Variants in SGMS1 observed in about 807,000 individuals in gnomAD.
SGMS1 encodes phosphatidylcholine:ceramide cholinephosphotransferase 1.
SGMS1 carries 13 observed loss-of-function variants against 46.2 expected under a neutral mutation model. The observed-to-expected ratio is 0.28, with a 90% CI of 0.18 to 0.45. The LOEUF (loss-of-function observed/expected upper bound fraction) is 0.45. Ranked by LOEUF, SGMS1 falls within the 20% of genes least tolerant of loss-of-function variation. The pLI is 1.00. For missense variants in SGMS1, 324 were observed against 519.9 expected, an observed-to-expected ratio of 0.62 and a Z score of 3.66; for synonymous variants, 203 against 187.8, an observed-to-expected ratio of 1.08 and a Z score of -0.66.
rs186418207 is a variant in SGMS1, at chr10:50,426,705, A to G, written c.-232+6771T>C. 4.2e-3 allele frequency among the ~76,000 whole-genome samples: 647 copies of G among 152,338 alleles called. 4 individuals carry two copies. Among genetic ancestry groups the G allele is most frequent in the African/African-American group, 0.015 (603 of 41,580 alleles). On this transcript the variant is annotated intron_variant, in intron 6 of 10. Transcript: ENST00000361781. ...AGAAAACACCAGAATTCAATCAGGA[A>G]GAAAGGGGAACAGCTAAGTCATACA...
intron 2 of SGMS1, among the ~76,000 whole-genome samples, chr10:50,534,699 A>G (rs186346880): frequency 3.0e-4 from 45 of 152,378 alleles, no homozygotes; most frequent in Admixed American, 1.8e-3. Context: ...TAAAAATTAT[A>G]TTCATGCAGA....
chr10:50,434,739 G>T (rs1849452622), intron 5 of SGMS1, among the ~76,000 whole-genome samples: 1 of 132,538 alleles, frequency 7.5e-6, no homozygotes. Context: ...AAAAAAATTA[G>T]CCAGGCGTGG....
At chr10:50,404,739 C>A (rs1009712664) in intron 6 of SGMS1, among the ~76,000 whole-genome samples, 4 of 152,190 alleles carry the variant, frequency 2.6e-5, no homozygotes, top group East Asian at 1.9e-4. Flanking sequence ...GATATTTATA[C>A]GAAAATATTT....
At chr10:50,439,859 A>G (rs1849519198) in intron 5 of SGMS1, among the ~76,000 whole-genome samples, 1 of 152,094 alleles carries the variant, frequency 6.6e-6, no homozygotes, top group South Asian at 2.1e-4. Flanking sequence ...AAGGATGTCT[A>G]CTCCACTGCT....
At position 50,329,700 on chromosome 10, in the gene SGMS1, A is replaced by G. The variant is rs1473478373; in HGVS notation, c.624-2378T>C. 3.3e-5 allele frequency among the ~76,000 whole-genome samples: 5 copies of G among 152,354 alleles called. No homozygotes were observed. In the East Asian group the frequency reaches 9.6e-4, roughly 29 times the overall value. On this transcript the variant is annotated intron_variant, in intron 7 of 10. Coordinates refer to ENST00000361781, the MANE Select transcript of SGMS1 (RefSeq NM_147156.4). ...AACTCACAAAAGAAATGTTAATGAG[A>G]TATTGCTAGAAATTAAGCAGATGCC...
At chr10:50,374,589 T>A (rs1189083777) in intron 6 of SGMS1, among the ~76,000 whole-genome samples, 1 of 152,176 alleles carries the variant, frequency 6.6e-6, no homozygotes, top group East Asian at 1.9e-4. Flanking sequence ...TTGTGCTGGA[T>A]CTCACTCCAA....
intron 6 of SGMS1, among the ~76,000 whole-genome samples, chr10:50,384,917 A>G (rs1057488612): frequency 3.3e-5 from 5 of 152,178 alleles, no homozygotes; most frequent in Admixed American, 3.3e-4. Flanking sequence ...ACTAAATGAC[A>G]TATCTTCTTT....
Position 50,353,302 on chromosome 10 carries a change from G to A in SGMS1, c.-231-8957C>T, listed in dbSNP as rs553078933. Reference sequence around the variant, plus strand: ...GTTCAACATACGCAAATCAATAAACGTAATCCAGCATATAAACAGAACCAC... The same window carrying A: ...GTTCAACATACGCAAATCAATAAACATAATCCAGCATATAAACAGAACCAC... On this transcript the variant is annotated intron_variant, in intron 6 of 10. Transcript: ENST00000361781. 3.9e-3 allele frequency among the ~76,000 whole-genome samples: 599 copies of A among 152,310 alleles called. 3 individuals are homozygous for A. Among genetic ancestry groups the A allele is most frequent in the African/African-American group, 0.013 (543 of 41,568 alleles).
chr10:50,625,115 C>A, upstream of SGMS1: 1 of 956,152 alleles, frequency 1.0e-6, no homozygotes, highest in South Asian at 4.8e-5. Context: ...CCTGTACCGA[C>A]CCCTGGCTTG....
chr10:50,313,538 C>T (rs182801699), intron 8 of SGMS1, among the ~76,000 whole-genome samples: 288 of 152,134 alleles, frequency 1.9e-3, no homozygotes, highest in African/African-American at 6.8e-3. Flanking sequence ...AAATTGCATG[C>T]CTGCATAAAC....
At chr10:50,570,262 ACTAAAGGATGAGGG>A (rs976944881) in intron 2 of SGMS1, among the ~76,000 whole-genome samples, 9 of 152,230 alleles carry the variant, frequency 5.9e-5, no homozygotes, top group Non-Finnish European at 2.9e-5. Flanking sequence ...TACCAAAGGT[ACTAAAGGATGAGGG>A]CTCAATTATG....
At position 50,467,168 on chromosome 10, in the gene SGMS1, A is replaced by T. The variant is rs965611889; in HGVS notation, c.-497-236T>A. On this transcript the variant is annotated intron_variant, in intron 3 of 10. Coordinates refer to ENST00000361781, the MANE Select transcript of SGMS1 (RefSeq NM_147156.4). ...ATGCAAATCCAATGCCAATAAAAAA[A>T]CTGCACACCAAATGCATCTGATGGT... Among the ~76,000 whole-genome samples the T allele has an allele frequency of 5.0e-4, 76 of 152,112 alleles. 3 individuals are homozygous for T.
At chr10:50,361,908 G>C (rs1262771808) in intron 6 of SGMS1, among the ~76,000 whole-genome samples, 4 of 152,178 alleles carry the variant, frequency 2.6e-5, no homozygotes, top group Middle Eastern at 3.4e-3. Context: ...ACAAGCTCTG[G>C]GCCTGTATCA....
At chr10:50,461,099 T>C (rs889951524) in intron 4 of SGMS1, among the ~76,000 whole-genome samples, 1 of 152,196 alleles carries the variant, frequency 6.6e-6, no homozygotes, top group Non-Finnish European at 1.5e-5. Flanking sequence ...CTTAGGCCTA[T>C]AACTATAAAA....
intron 7 of SGMS1, chr10:50,340,589 CAT>C (rs1054985891): frequency 1.7e-4 from 26 of 151,886 alleles, no homozygotes; most frequent in African/African-American, 6.1e-4. Flanking sequence ...TATATATAAA[CAT>C]ATATACATAC....
intron 3 of SGMS1, among the ~76,000 whole-genome samples, chr10:50,499,773 T>C (rs1442960737): frequency 1.3e-5 from 2 of 152,238 alleles, no homozygotes; most frequent in Non-Finnish European, 2.9e-5. Flanking sequence ...GAGACAAGAT[T>C]GGTTTTCCCT....
chr10:50,446,096 G>C (rs921203963), intron 5 of SGMS1, among the ~76,000 whole-genome samples: 17 of 152,154 alleles, frequency 1.1e-4, no homozygotes, highest in African/African-American at 3.9e-4. Context: ...CCTGTCTCCT[G>C]GTAAGATGTT....
At chr10:50,334,485 C>T (rs548860753) in intron 7 of SGMS1, 1 of 152,140 alleles carries the variant, frequency 6.6e-6, no homozygotes, top group African/African-American at 2.4e-5. Flanking sequence ...CTTGCTTAGT[C>T]ACAGCCAGCA....
chr10:50,430,656 G>C (rs1246459441), intron 6 of SGMS1, among the ~76,000 whole-genome samples: 2 of 152,074 alleles, frequency 1.3e-5, no homozygotes, highest in African/African-American at 2.4e-5. Context: ...CATATCATCT[G>C]CTCCTGAATC....
Sources: gnomAD v4.1 joint callset for allele counts (sites outside exome capture counted in the v4.1 genomes callset) on GRCh38, gnomAD v4.1.1 for gene constraint, MANE v1.5 for transcripts, NCBI Gene and HGNC (gene_info 2026-07-23, HGNC 2026-07-21) for gene names.